The following THEMIS variants were observed in gnomAD, a reference collection of about 807,000 sequenced individuals.
The protein encoded by THEMIS is thymocyte selection associated.
THEMIS carries 37 observed loss-of-function variants against 52.6 expected under a neutral mutation model. The ratio of observed to expected loss-of-function variants is 0.70; its 90% CI spans 0.54 to 0.93. THEMIS has a LOEUF of 0.93. Ranked by LOEUF, THEMIS falls within the 40% of genes least tolerant of loss-of-function variation. The pLI, the probability that THEMIS is intolerant of heterozygous loss-of-function variation, is 0.00. For missense variants in THEMIS, 808 were observed against 763.1 expected (o/e 1.06, Z -0.69); for synonymous variants, 292 against 272.7 (o/e 1.07, Z -0.70).
At chr6:127,842,818 A>G (rs1779093494) in intron 2 of THEMIS, among the ~76,000 whole-genome samples, 2 of 151,836 alleles carry the variant, frequency 1.3e-5, no homozygotes, top group African/African-American at 4.8e-5. Flanking sequence ...TTCCCCAATT[A>G]TGTGTTCAGC....
chr6:127,719,691 C>T lies in THEMIS; in HGVS notation c.1891G>A (p.Ala631Thr), dbSNP rs763809411. The T allele has an allele frequency of 3.1e-6, 5 of 1,610,242 alleles. No individual in the cohort carries two copies. The Admixed American group carries it at 8.4e-5, about 27-fold the overall frequency. ...TGACCTATAGTCACATCAGTACCTG[C>T]TATTGCTGTGGCCCCACGGTTGCTC... ...ERSNRGATAI[A>T]ETFKNEKHQK Residue 631 changes from alanine to threonine, a missense_variant, in exon 5 of 6, where the codon GCA becomes ACA. Transcript: ENST00000368248.
At chr6:127,902,341 A>AT (rs1479615664), upstream of THEMIS, among the ~76,000 whole-genome samples, 395 of 149,502 alleles carry the variant, frequency 2.6e-3, 1 homozygote, top group African/African-American at 6.8e-3. Flanking sequence ...AAAAAAAAAA[A>AT]AAAATAAAGA....
At chr6:127,852,430 C>A (rs1378211234) in intron 2 of THEMIS, among the ~76,000 whole-genome samples, 1 of 151,362 alleles carries the variant, frequency 6.6e-6, no homozygotes, top group East Asian at 1.9e-4. Context: ...AAAATATATT[C>A]TTCTCAAGTG....
chr6:127,805,786 A>T (rs550171275), intron 4 of THEMIS, among the ~76,000 whole-genome samples: 2 of 152,100 alleles, frequency 1.3e-5, no homozygotes, highest in Non-Finnish European at 2.9e-5. Flanking sequence ...TTGTAGCAAA[A>T]CTTATTTGCT....
At chr6:127,750,694 T>G (rs1197779808) in intron 4 of THEMIS, among the ~76,000 whole-genome samples, 4 of 151,726 alleles carry the variant, frequency 2.6e-5, no homozygotes, top group Non-Finnish European at 5.9e-5. Context: ...AGTTCAAGGT[T>G]TTGAGAACAT....
chr6:127,853,251 T>C (rs1225462323), intron 2 of THEMIS, among the ~76,000 whole-genome samples: 5 of 151,594 alleles, frequency 3.3e-5, no homozygotes, highest in South Asian at 4.1e-4. Flanking sequence ...CGAAAAACTA[T>C]AGTGATTTAA....
At chr6:127,732,207 G>A (rs1309407674) in intron 4 of THEMIS, among the ~76,000 whole-genome samples, 2 of 151,586 alleles carry the variant, frequency 1.3e-5, no homozygotes. Context: ...ACATAACATG[G>A]CGAAGTTTTT....
At chr6:127,897,818 C>T (rs1327815238) in intron 1 of THEMIS, among the ~76,000 whole-genome samples, 1 of 151,526 alleles carries the variant, frequency 6.6e-6, no homozygotes, top group Non-Finnish European at 1.5e-5. Flanking sequence ...CACGTAGGCA[C>T]ACATGTACAA....
Position 127,785,220 on chromosome 6 carries a change from T to TTATCTATCTATCTATCTATC in THEMIS, c.1758+27643_1758+27662dup, listed in dbSNP as rs71028106. Among the ~76,000 whole-genome samples, 326 of 93,824 alleles carry TTATCTATCTATCTATCTATC rather than the reference T, an allele frequency of 3.5e-3. 3 individuals carry two copies. The highest frequency in any genetic ancestry group is 4.9e-3 in the Admixed American group (51 of 10,448). The allele number at this position is 93,824 out of a possible 152,430, so 61.6% of individuals were successfully genotyped here. On this transcript the variant is annotated intron_variant, in intron 4 of 5. Coordinates refer to ENST00000368248, the MANE Select transcript of THEMIS (RefSeq NM_001010923.3). Reference sequence around the variant, plus strand: ...TCTACCTACCTACCTATTATCTATCTTATCTATCTATCTATCTATCTATCT... The same window carrying TTATCTATCTATCTATCTATC: ...TCTACCTACCTACCTATTATCTATCTTATCTATCTATCTATCTATCTATCTATCTATCTATCTATCTATCT...
At chr6:127,759,405 T>C (rs930027607) in intron 4 of THEMIS, among the ~76,000 whole-genome samples, 6 of 152,184 alleles carry the variant, frequency 3.9e-5, no homozygotes, top group African/African-American at 9.7e-5. Flanking sequence ...TATATTCAAC[T>C]ACCCTCCAAG....
chr6:127,776,181 T>C (rs991045282), intron 4 of THEMIS, among the ~76,000 whole-genome samples: 1 of 152,228 alleles, frequency 6.6e-6, no homozygotes, highest in Non-Finnish European at 1.5e-5. Context: ...GTCAAGACTG[T>C]TTTTTATGCT....
At chr6:127,882,447 C>T (rs560331031) in intron 1 of THEMIS, among the ~76,000 whole-genome samples, 49 of 151,798 alleles carry the variant, frequency 3.2e-4, no homozygotes, top group Non-Finnish European at 6.0e-4. Flanking sequence ...ATTTTACATA[C>T]TTTACAAGCT....
chr6:127,897,300 AGTGGAAAACTT>A (rs1780998186), intron 1 of THEMIS, among the ~76,000 whole-genome samples: 2 of 151,482 alleles, frequency 1.3e-5, no homozygotes, highest in Non-Finnish European at 1.5e-5. Flanking sequence ...CTAACACGAA[AGTGGAAAACTT>A]TCGTCCATTA....
At chr6:127,908,023 A>T (rs190085793) in intron 1 of THEMIS, among the ~76,000 whole-genome samples, 286 of 152,252 alleles carry the variant, frequency 1.9e-3, no homozygotes, top group African/African-American at 6.4e-3. Context: ...AAAATGCAAC[A>T]TGCAAAATGC....
chr6:127,904,957 T>A (rs796809977), upstream of THEMIS, among the ~76,000 whole-genome samples: 35 of 138,846 alleles, frequency 2.5e-4, no homozygotes, highest in African/African-American at 8.8e-4. Context: ...TCTCTCTCAC[T>A]CTCTCTCTCT....
chr6:127,767,093 T>G (rs983570497), intron 4 of THEMIS, among the ~76,000 whole-genome samples: 3 of 149,326 alleles, frequency 2.0e-5, no homozygotes, highest in Admixed American at 1.3e-4. Context: ...TATTTTCTTT[T>G]TTTTTGTTTT....
At chr6:127,767,410 C>T (rs1776237664) in intron 4 of THEMIS, among the ~76,000 whole-genome samples, 1 of 151,866 alleles carries the variant, frequency 6.6e-6, no homozygotes, top group Non-Finnish European at 1.5e-5. Context: ...TCTTTATATC[C>T]TTGTTCTATA....
intron 2 of THEMIS, among the ~76,000 whole-genome samples, chr6:127,849,675 A>G (rs1399277082): frequency 2.0e-5 from 3 of 152,010 alleles, no homozygotes; most frequent in Non-Finnish European, 2.9e-5. Flanking sequence ...TGGTGCTAGA[A>G]AAACTGTCAA....
At chr6:127,912,045 A>G (rs1222125285) in intron 1 of THEMIS, among the ~76,000 whole-genome samples, 3 of 152,170 alleles carry the variant, frequency 2.0e-5, no homozygotes, top group Admixed American at 1.3e-4. Flanking sequence ...CAGCCAGAAG[A>G]TGGGAAGTAC....
Sources: gnomAD v4.1 joint callset for allele counts (sites outside exome capture counted in the v4.1 genomes callset) on GRCh38, gnomAD v4.1.1 for gene constraint, MANE v1.5 for transcripts, NCBI Gene and HGNC (gene_info 2026-07-23, HGNC 2026-07-21) for gene names.